DCDC2C: variants seen among roughly 807,000 people sequenced by gnomAD.
DCDC2C encodes doublecortin domain-containing protein 2C.
Under a neutral mutation model 45.0 loss-of-function variants are expected in DCDC2C, and 44 were observed. The observed-to-expected ratio is 0.98, with a 90% confidence interval of 0.77 to 1.26. The LOEUF (loss-of-function observed/expected upper bound fraction) is 1.26. Ranked by LOEUF, DCDC2C falls within the 50% of genes most tolerant of loss-of-function variation. DCDC2C has a pLI of 0.00. For synonymous variants in DCDC2C, 187 were observed against 178.8 expected (o/e 1.05, Z -0.37); for missense variants, 447 against 468.9 (o/e 0.95, Z 0.43).
intron 8 of DCDC2C, among the ~76,000 whole-genome samples, chr2:3,774,181 A>G (rs1670264186): frequency 6.6e-6 from 1 of 152,234 alleles, no homozygotes; most frequent in Admixed American, 6.5e-5. Flanking sequence ...AGGCTTTGGC[A>G]CTTTTATCTG....
chr2:3,794,759 C>A (rs1433177897), intron 10 of DCDC2C, among the ~76,000 whole-genome samples: 4 of 152,220 alleles, frequency 2.6e-5, no homozygotes, highest in African/African-American at 9.7e-5. Context: ...TTAATCCAGT[C>A]TATCACTTTG....
At chr2:3,724,019 A>G (rs532018517) in intron 2 of DCDC2C, among the ~76,000 whole-genome samples, 1 of 152,122 alleles carries the variant, frequency 6.6e-6, no homozygotes, top group South Asian at 2.1e-4. Flanking sequence ...CATTTATTGA[A>G]TTGAATATTT....
At chr2:3,774,068 C>T (rs183001382) in intron 8 of DCDC2C, among the ~76,000 whole-genome samples, 1 of 152,150 alleles carries the variant, frequency 6.6e-6, no homozygotes, top group African/African-American at 2.4e-5. Flanking sequence ...AATAAGTCAC[C>T]AACCAAAGAG....
chr2:3,824,421 C>A (rs73910386), intron 10 of DCDC2C, among the ~76,000 whole-genome samples: 5 of 152,174 alleles, frequency 3.3e-5, no homozygotes, highest in African/African-American at 1.2e-4. Flanking sequence ...TAAACCATTA[C>A]GTATGAAAAC....
chr2:3,734,690 C>T lies in DCDC2C; in HGVS notation c.417-7230C>T, dbSNP rs936741422. On this transcript the variant is annotated intron_variant, in intron 3 of 10. Coordinates refer to ENST00000399143, the MANE Select transcript of DCDC2C (RefSeq NM_001287444.2). The surrounding 1 kb of genome is among the most constrained non-coding windows in gnomAD (Gnocchi z 4.2). ...CCTGGACAAGACTGGTGGTTGCAGC[C>T]CTGGCTCACAGGCAGGAGACATGCC... is the stretch of plus-strand genomic sequence containing the variant. Among the ~76,000 whole-genome samples the T allele has an allele frequency of 6.6e-6, 1 of 152,128 alleles. No individual in the cohort carries two copies. Among genetic ancestry groups the T allele is most frequent in the Non-Finnish European group, 1.5e-5 (1 of 68,026 alleles).
intron 10 of DCDC2C, among the ~76,000 whole-genome samples, chr2:3,809,812 C>T (rs1031757914): frequency 1.3e-5 from 2 of 151,958 alleles, no homozygotes; most frequent in Non-Finnish European, 2.9e-5. Flanking sequence ...TCTCATTGTT[C>T]AACTCCCACT....
chr2:3,800,624 TAA>T (rs1217066893), intron 10 of DCDC2C, among the ~76,000 whole-genome samples: 5 of 149,786 alleles, frequency 3.3e-5, no homozygotes, highest in East Asian at 2.1e-4. Flanking sequence ...TTTCTTGAGA[TAA>T]TCGTGTGGCT....
At chr2:3,840,739 T>G (rs1258170716) in intron 10 of DCDC2C, among the ~76,000 whole-genome samples, 1 of 152,250 alleles carries the variant, frequency 6.6e-6, no homozygotes, top group Non-Finnish European at 1.5e-5. Flanking sequence ...TGGTTCTGTT[T>G]CCTGGTAAGA....
At chr2:3,719,091 C>CAT (rs1187388358) in intron 2 of DCDC2C, among the ~76,000 whole-genome samples, 1 of 145,826 alleles carries the variant, frequency 6.9e-6, no homozygotes, top group African/African-American at 2.5e-5. Context: ...CAGCTGTTTC[C>CAT]TTTTTTTTTT....
chr2:3,734,537 T>A lies in DCDC2C; in HGVS notation c.417-7383T>A, dbSNP rs1326321149. On this transcript the variant is annotated intron_variant, in intron 3 of 10. Coordinates refer to ENST00000399143, the MANE Select transcript of DCDC2C (RefSeq NM_001287444.2). The surrounding 1 kb of genome is among the most constrained non-coding windows in gnomAD (Gnocchi z 4.2). Reference sequence around the variant, plus strand: ...TTATGTGAGGGGGAAAGCAGTAGATTTCGTAAGAGGGAAGTTTAGCCACAG... The same window carrying A: ...TTATGTGAGGGGGAAAGCAGTAGATATCGTAAGAGGGAAGTTTAGCCACAG... 6.6e-6 allele frequency among the ~76,000 whole-genome samples: 1 copy of A among 152,074 alleles called. No individual in the cohort carries two copies. Among genetic ancestry groups the A allele is most frequent in the Non-Finnish European group, 1.5e-5 (1 of 68,012 alleles).
chr2:3,755,973 C>T (rs747982306), intron 6 of DCDC2C, among the ~76,000 whole-genome samples: 9 of 151,628 alleles, frequency 5.9e-5, no homozygotes, highest in Non-Finnish European at 1.2e-4. Flanking sequence ...TTTGTGGATG[C>T]ATACATGGGT....
chr2:3,713,992 C>A (rs1668287451), intron 2 of DCDC2C, among the ~76,000 whole-genome samples: 1 of 152,084 alleles, frequency 6.6e-6, no homozygotes, highest in Non-Finnish European at 1.5e-5. Context: ...TTTGCCAAGT[C>A]CAAAAATTCA....
intron 1 of DCDC2C, among the ~76,000 whole-genome samples, chr2:3,704,356 G>A (rs1400141226): frequency 7.4e-6 from 1 of 135,704 alleles, no homozygotes; most frequent in Non-Finnish European, 1.6e-5. Context: ...AAACAGGGGT[G>A]TGGAGGAGGG....
Position 3,703,583 on chromosome 2 carries a change from C to T in DCDC2C, c.-169C>T. 1.6e-6 allele frequency: 1 copy of T among 628,736 alleles called. No individual in the cohort carries two copies. The highest frequency in any genetic ancestry group is 7.8e-5 in the South Asian group (1 of 12,892). The allele number at this position is 628,736 out of a possible 1,614,324, so 38.9% of individuals were successfully genotyped here. The stretch of plus-strand genomic sequence containing the variant: ...GCCTCCGCCCGCCTGGCAGCCCCGT[C>T]CCGTCCCCGTCCAGCCCCCGTCCCG... On this transcript the variant is annotated 5_prime_UTR_variant, in exon 1 of 11. Coordinates refer to ENST00000399143, the MANE Select transcript of DCDC2C (RefSeq NM_001287444.2). This position sits in a 1 kb window ranked among gnomAD's most constrained non-coding sequence, Gnocchi z 4.4.
In DCDC2C at chr2:3,816,976, A is replaced by G. The variant is rs189098001; in HGVS notation, c.1066-30178A>G. Among the ~76,000 whole-genome samples the G allele has an allele frequency of 6.0e-4, 91 of 152,332 alleles. No individual in the cohort carries two copies. The Middle Eastern group carries it at 0.01, about 17-fold the overall frequency. ...GTAACCTACATGGAAGAGGTTACGA[A>G]ATGATGACAGAATAGAATGGGCCTG... On this transcript the variant is annotated intron_variant, in intron 10 of 10. Coordinates refer to ENST00000399143, the MANE Select transcript of DCDC2C (RefSeq NM_001287444.2).
chr2:3,838,745 T>A (rs1467275131), intron 10 of DCDC2C, among the ~76,000 whole-genome samples: 1 of 152,142 alleles, frequency 6.6e-6, no homozygotes, highest in Non-Finnish European at 1.5e-5. Context: ...TGGGGCTGTG[T>A]CCTCAGGAGA....
chr2:3,830,347 C>G (rs1671920591), intron 10 of DCDC2C, among the ~76,000 whole-genome samples: 1 of 151,522 alleles, frequency 6.6e-6, no homozygotes, highest in Non-Finnish European at 1.5e-5. Flanking sequence ...TGATCTTTTG[C>G]TTAGGTGTAA....
At chr2:3,790,412 G>A (rs1415661357) in intron 10 of DCDC2C, among the ~76,000 whole-genome samples, 1 of 152,154 alleles carries the variant, frequency 6.6e-6, no homozygotes, top group African/African-American at 2.4e-5. Context: ...CACCATTTCA[G>A]CATCTTACTG....
intron 10 of DCDC2C, among the ~76,000 whole-genome samples, chr2:3,800,134 G>A (rs1671078045): frequency 6.6e-6 from 1 of 152,204 alleles, no homozygotes; most frequent in Non-Finnish European, 1.5e-5. Context: ...CGATTTTCCA[G>A]GTGCCGTCTG....
Sources: allele counts gnomAD v4.1 joint callset (sites outside exome capture counted in the v4.1 genomes callset), GRCh38; gene constraint gnomAD v4.1.1; non-coding constraint Gnocchi (gnomAD v3.1); transcripts MANE v1.5; gene names NCBI Gene and HGNC (gene_info 2026-07-23, HGNC 2026-07-21).